Variants in RSL1D1 observed in about 807,000 individuals in gnomAD.
RSL1D1 encodes the protein ribosomal L1 domain-containing protein 1.
RSL1D1 carries 34 observed loss-of-function variants against 44.6 expected under a neutral mutation model. The observed-to-expected ratio is 0.76, with a 90% CI of 0.58 to 1.02. RSL1D1 has a LOEUF of 1.02. Among genes scored for constraint, RSL1D1 ranks in the 50% least tolerant of loss-of-function variants. The probability of loss-of-function intolerance (pLI) is 0.00; values close to 1 mark genes in which losing one functional copy is unlikely to be tolerated. For synonymous variants in RSL1D1, 271 were observed against 207.4 expected (o/e 1.31, Z -2.63); for missense variants, 767 against 568.1 (o/e 1.35, Z -3.56).
At chr16:11,850,559 T>A in intron 1 of RSL1D1, 141 bp from the exon 2 acceptor site, 4 of 748,432 alleles carry the variant, frequency 5.3e-6, no homozygotes, top group Non-Finnish European at 6.4e-6. Context: ...TTTCAAGGGG[T>A]AACCTCCATA....
At chr16:11,844,331 T>C (rs368787199) in intron 5 of RSL1D1, among the ~76,000 whole-genome samples, 1 of 152,232 alleles carries the variant, frequency 6.6e-6, no homozygotes, top group African/African-American at 2.4e-5. Context: ...TGCTTTTGCC[T>C]TGGAAAATCC....
rs975040487 is a variant in RSL1D1, at chr16:11,837,854, G to A, written c.1406C>T (p.Ser469Phe). Reference sequence around the variant, plus strand: ...GGGGGTGTGGGAAGCTTTTCTCACAGATTTACTAGGAGTGGTGAAAAACTT... The same window carrying A: ...GGGGGTGTGGGAAGCTTTTCTCACAAATTTACTAGGAGTGGTGAAAAACTT... ...EAKFFTTPSK[S>F]VRKASHTPKK... The change falls in exon 9 of 9, where the codon TCT becomes TTT. Residue 469 changes from serine (S) to phenylalanine (F), a missense_variant. Ser to Phe is a radical substitution (Grantham distance 155). Coordinates refer to ENST00000571133, the MANE Select transcript of RSL1D1 (RefSeq NM_015659.3). The A allele has an allele frequency of 3.1e-6, 5 of 1,614,066 alleles. No homozygotes were observed. Among genetic ancestry groups the A allele is most frequent in the Non-Finnish European group, 4.2e-6 (5 of 1,179,982 alleles).
At chr16:11,844,065 T>TG (rs1400763275) in intron 5 of RSL1D1, among the ~76,000 whole-genome samples, 3 of 151,876 alleles carry the variant, frequency 2.0e-5, no homozygotes, top group African/African-American at 7.3e-5. Context: ...GCACAGTGTC[T>TG]GCGGAATGAG....
At chr16:11,840,055 C>T (rs1465299256) in intron 7 of RSL1D1, 70 bp from the exon 8 acceptor site, 15 of 1,555,546 alleles carry the variant, frequency 9.6e-6, no homozygotes, top group East Asian at 9.0e-5. Flanking sequence ...CATAGATGTA[C>T]CACGTGCAGT....
intron 3 of RSL1D1, 26 bp downstream of exon 3, chr16:11,847,642 T>G (rs775238967): frequency 1.3e-6 from 2 of 1,581,136 alleles, no homozygotes; most frequent in South Asian, 2.3e-5. Flanking sequence ...TCTAAATAAC[T>G]TGAAAATATT....
At chr16:11,850,809 C>G (rs151265855) in intron 1 of RSL1D1, among the ~76,000 whole-genome samples, 1 of 152,220 alleles carries the variant, frequency 6.6e-6, no homozygotes, top group African/African-American at 2.4e-5. Flanking sequence ...CCTGCCTCAG[C>G]TTCCCGAGTA....
At chr16:11,840,732 G>A (rs1567418355) in intron 7 of RSL1D1, among the ~76,000 whole-genome samples, 2 of 152,190 alleles carry the variant, frequency 1.3e-5, no homozygotes, top group Non-Finnish European at 2.9e-5. Flanking sequence ...AGCTCAGGAG[G>A]TATCTGTGAG....
chr16:11,840,882 G>C (rs989024716), intron 7 of RSL1D1, among the ~76,000 whole-genome samples: 6 of 152,166 alleles, frequency 3.9e-5, no homozygotes, highest in African/African-American at 1.4e-4. Flanking sequence ...GCTCTTGCCT[G>C]TTACCCTTTT....
intron 6 of RSL1D1, 38 bp from the exon 7 acceptor site, chr16:11,841,858 T>A (rs755380650): frequency 6.2e-7 from 1 of 1,612,002 alleles, no homozygotes; most frequent in Non-Finnish European, 8.5e-7. Context: ...CTACATATAC[T>A]TTGTTTCTTT....
In RSL1D1 at chr16:11,834,852, G is replaced by A. The variant is rs748787683; in HGVS notation, c.*2935C>T. ...AAACAGGATTGGCATGCTGCCTCAT[G>A]CCTGTAATCTGAACATTTTGGGAGG... On this transcript the variant is annotated 3_prime_UTR_variant, in exon 9 of 9. Transcript: ENST00000571133. The A allele has an allele frequency of 6.6e-6, 1 of 152,218 alleles. No individual in the cohort carries two copies. Among genetic ancestry groups the A allele is most frequent in the South Asian group, 2.1e-4 (1 of 4,832 alleles). 9.4% of individuals were successfully genotyped at this position (152,218 alleles called of 1,614,324 possible).
intron 7 of RSL1D1, among the ~76,000 whole-genome samples, chr16:11,841,116 C>T (rs550352718): frequency 6.6e-6 from 1 of 152,274 alleles, no homozygotes; most frequent in Admixed American, 6.5e-5. Flanking sequence ...CCCTCAAAAG[C>T]CAGTTAATCC....
chr16:11,842,534 G>T (rs920322944), intron 5 of RSL1D1, among the ~76,000 whole-genome samples: 1 of 151,828 alleles, frequency 6.6e-6, no homozygotes, highest in Non-Finnish European at 1.5e-5. Context: ...GCTGATTTTT[G>T]TATTTTTTGT....
rs2053703127 is a variant in RSL1D1 at position 11,834,422 on chromosome 16, T to A, written c.*3365A>T. 6.6e-6 allele frequency: 1 copy of A among 152,206 alleles called. No individual in the cohort carries two copies. The highest frequency in any genetic ancestry group is 2.1e-4 in the South Asian group (1 of 4,832). 9.4% of individuals were successfully genotyped at this position (152,206 alleles called of 1,614,324 possible). ...AGAACATTATTAGAATGAAACTAGA[T>A]GCAAGAACAGGAAAGTAAACACCTG... On this transcript the variant is annotated 3_prime_UTR_variant, in exon 9 of 9. Coordinates refer to ENST00000571133, the MANE Select transcript of RSL1D1 (RefSeq NM_015659.3).
At chr16:11,851,189 C>T in intron 1 of RSL1D1, 2 of 612,658 alleles carry the variant, frequency 3.3e-6, no homozygotes, top group South Asian at 1.8e-5. Context: ...CCACAGCACA[C>T]TTGCAACCCA....
intron 5 of RSL1D1, among the ~76,000 whole-genome samples, chr16:11,844,415 C>A (rs2053784342): frequency 6.6e-6 from 1 of 152,122 alleles, no homozygotes; most frequent in African/African-American, 2.4e-5. Flanking sequence ...CTCATGGGTC[C>A]CATAAACAAG....
rs951690389 is a variant in RSL1D1 at position 11,836,903 on chromosome 16, G to C, written c.*884C>G. On this transcript the variant is annotated 3_prime_UTR_variant, in exon 9 of 9. Transcript: ENST00000571133. ...AATGGTTGAGCAGGTGAGGAAAAGG[G>C]TCACATCACAGACCTCAAGTCAGAC... The C allele has an allele frequency of 6.6e-6, 1 of 152,174 alleles. No individual in the cohort carries two copies. The allele number at this position is 152,174 out of a possible 1,614,324, so 9.4% of individuals were successfully genotyped here.
chr16:11,851,141 G>T (rs2053834483), intron 1 of RSL1D1: 7 of 523,476 alleles, frequency 1.3e-5, no homozygotes, highest in Non-Finnish European at 1.7e-5. Flanking sequence ...TAATGATAGG[G>T]AAGCTAAGCC....
At chr16:11,851,345 C>A in intron 1 of RSL1D1, 63 bp downstream of exon 1, 3 of 1,500,862 alleles carry the variant, frequency 2.0e-6, no homozygotes, top group East Asian at 2.3e-5. Flanking sequence ...GGTTCCGGCA[C>A]CCTGCGCCTC....
At chr16:11,839,526 TAAAA>T (rs55657359) in intron 8 of RSL1D1, among the ~76,000 whole-genome samples, 165 bp downstream of exon 8, 15 of 121,406 alleles carry the variant, frequency 1.2e-4, no homozygotes, top group Admixed American at 2.5e-4. Flanking sequence ...AGATCCCATC[TAAAA>T]AAAAAAAAAA....
Sources: allele counts gnomAD v4.1 joint callset (sites outside exome capture counted in the v4.1 genomes callset), GRCh38; gene constraint gnomAD v4.1.1; transcripts MANE v1.5; gene names NCBI Gene and HGNC (gene_info 2026-07-23, HGNC 2026-07-21).